The following JPH1 variants were observed in gnomAD, a reference collection of about 807,000 sequenced individuals.
JPH1 encodes the protein junctophilin 1.
In JPH1, 12 loss-of-function variants were observed where a neutral mutation model predicts 53.6. That is an observed-to-expected ratio of 0.22 (90% CI 0.14 to 0.36). The LOEUF (loss-of-function observed/expected upper bound fraction) is 0.36. Among genes scored for constraint, JPH1 ranks in the 10% least tolerant of loss-of-function variants. JPH1 has a pLI of 1.00. For synonymous variants in JPH1, 375 were observed against 363.8 expected, an observed-to-expected ratio of 1.03 and a Z score of -0.35; for missense variants, 808 against 905.5, an observed-to-expected ratio of 0.89 and a Z score of 1.38.
intron 2 of JPH1, among the ~76,000 whole-genome samples, chr8:74,288,019 C>T (rs1488976332): frequency 6.6e-6 from 1 of 151,900 alleles, no homozygotes; most frequent in African/African-American, 2.4e-5. Flanking sequence ...TCTCGCTTTA[C>T]TGCAAAGAAA....
At chr8:74,279,908 T>C (rs935362367) in intron 2 of JPH1, among the ~76,000 whole-genome samples, 2 of 152,226 alleles carry the variant, frequency 1.3e-5, no homozygotes, top group Non-Finnish European at 2.9e-5. Context: ...CATTTTATTT[T>C]TAAATAAATT....
intron 1 of JPH1, among the ~76,000 whole-genome samples, chr8:74,317,439 C>G (rs1808196215): frequency 6.6e-6 from 1 of 152,146 alleles, no homozygotes; most frequent in Admixed American, 6.5e-5. Flanking sequence ...TAAAACATTT[C>G]AGGCTAAGAA....
chr8:74,258,950 A>G (rs1474732902), intron 3 of JPH1, among the ~76,000 whole-genome samples: 1 of 152,216 alleles, frequency 6.6e-6, no homozygotes, highest in Non-Finnish European at 1.5e-5. Flanking sequence ...TCCAGAATCC[A>G]AAACATTGTG....
chr8:74,280,919 C>T (rs1279707489), intron 2 of JPH1, among the ~76,000 whole-genome samples: 1 of 152,142 alleles, frequency 6.6e-6, no homozygotes, highest in African/African-American at 2.4e-5. Context: ...TTATTATTCG[C>T]TCTAATTTAT....
chr8:74,310,624 T>G (rs1348223085), intron 2 of JPH1, among the ~76,000 whole-genome samples: 1 of 152,144 alleles, frequency 6.6e-6, no homozygotes, highest in African/African-American at 2.4e-5. Flanking sequence ...CTGTATGTGT[T>G]TACTGGGGAG....
At chr8:74,243,523 G>C (rs1805759685) in intron 4 of JPH1, among the ~76,000 whole-genome samples, 1 of 152,194 alleles carries the variant, frequency 6.6e-6, no homozygotes, top group African/African-American at 2.4e-5. Flanking sequence ...AATCCTGTGA[G>C]TAAATCAAAC....
Position 74,259,438 on chromosome 8 carries a change from C to T in JPH1, c.1205G>A (p.Cys402Tyr). 1 of 1,613,896 alleles carries T rather than the reference C, an allele frequency of 6.2e-7. No homozygotes were observed. The highest frequency in any genetic ancestry group is 8.5e-7 in the Non-Finnish European group (1 of 1,179,848). The change falls in exon 3 of 6, where the codon TGC (cysteine) becomes TAC (tyrosine). Residue 402 changes from cysteine to tyrosine, a missense_variant. Transcript: ENST00000342232. ...CCTGGCCACAGCTCTCGCGATGTCG[C>T]ACTCCTGGCGAGCGGCCAGCGCGGC... is the stretch of plus-strand genomic sequence containing the variant. ...DQAALAARQE[C>Y]DIARAVAREL... is the part of the protein sequence containing the mutation.
chr8:74,310,067 A>T (rs896105012), intron 2 of JPH1, among the ~76,000 whole-genome samples: 2 of 152,158 alleles, frequency 1.3e-5, no homozygotes, highest in African/African-American at 2.4e-5. Context: ...GTACACACTG[A>T]CAAAGGAAAG....
chr8:74,278,920 T>C (rs1038063197), intron 2 of JPH1, among the ~76,000 whole-genome samples: 1 of 152,140 alleles, frequency 6.6e-6, no homozygotes, highest in Non-Finnish European at 1.5e-5. Flanking sequence ...ATTAGGGATA[T>C]GTGTAAGTTT....
At chr8:74,316,533 T>C (rs1046597271) in intron 1 of JPH1, among the ~76,000 whole-genome samples, 11 of 152,206 alleles carry the variant, frequency 7.2e-5, no homozygotes, top group African/African-American at 2.7e-4. Context: ...ATGTTGACGG[T>C]AAAAAGCTAT....
chr8:74,287,284 T>C (rs1807194046), intron 2 of JPH1, among the ~76,000 whole-genome samples: 1 of 151,912 alleles, frequency 6.6e-6, no homozygotes, highest in Admixed American at 6.6e-5. Context: ...ATACAAAAAT[T>C]AGCCATGGTG....
intron 2 of JPH1, among the ~76,000 whole-genome samples, chr8:74,293,985 C>G (rs1318548477): frequency 1.3e-5 from 2 of 152,190 alleles, no homozygotes; most frequent in Non-Finnish European, 2.9e-5. Flanking sequence ...AGACCAGGGT[C>G]CCCCTTCACT....
intron 2 of JPH1, among the ~76,000 whole-genome samples, chr8:74,270,006 C>T (rs1302105600): frequency 1.3e-5 from 2 of 152,186 alleles, no homozygotes; most frequent in Non-Finnish European, 2.9e-5. Context: ...TCACTGCTCT[C>T]CTTACTTCTC....
intron 2 of JPH1, among the ~76,000 whole-genome samples, chr8:74,299,574 G>A (rs117130843): frequency 0.01 from 1,576 of 152,276 alleles, 9 homozygotes; most frequent in Middle Eastern, 0.031. Context: ...CTACACAGCT[G>A]CACTGGAATC....
chr8:74,284,004 A>G (rs1231984699), intron 2 of JPH1, among the ~76,000 whole-genome samples: 1 of 152,078 alleles, frequency 6.6e-6, no homozygotes, highest in Admixed American at 6.6e-5. Flanking sequence ...CAGGAGATTC[A>G]AGGGGTGGCA....
At chr8:74,303,713 T>C (rs1807749867) in intron 2 of JPH1, among the ~76,000 whole-genome samples, 1 of 152,080 alleles carries the variant, frequency 6.6e-6, no homozygotes, top group African/African-American at 2.4e-5. Flanking sequence ...CCTCCCAAAG[T>C]GCTGGGATTA....
intron 2 of JPH1, among the ~76,000 whole-genome samples, chr8:74,276,136 T>C (rs1429554624): frequency 6.6e-6 from 1 of 152,130 alleles, no homozygotes; most frequent in Non-Finnish European, 1.5e-5. Context: ...GTATATTCTT[T>C]TAAGGAGGCC....
chr8:74,293,401 T>C (rs1807398084), intron 2 of JPH1, among the ~76,000 whole-genome samples: 1 of 152,130 alleles, frequency 6.6e-6, no homozygotes, highest in Admixed American at 6.5e-5. Flanking sequence ...CACCAATTCA[T>C]TAAGCACTCA....
chr8:74,314,641 G>C (rs1360965013), intron 2 of JPH1, among the ~76,000 whole-genome samples: 1 of 152,218 alleles, frequency 6.6e-6, no homozygotes, highest in Non-Finnish European at 1.5e-5. Context: ...AGGAAGGGGA[G>C]CTCAAAGTGC....
Sources: allele counts gnomAD v4.1 joint callset (sites outside exome capture counted in the v4.1 genomes callset), GRCh38; gene constraint gnomAD v4.1.1; transcripts MANE v1.5; gene names NCBI Gene and HGNC (gene_info 2026-07-23, HGNC 2026-07-21).